ZGRF1: variants seen among roughly 807,000 people sequenced by gnomAD.
ZGRF1 encodes the protein zinc finger GRF-type containing 1.
In ZGRF1, 196 loss-of-function variants were observed where a neutral mutation model predicts 203.5. The observed-to-expected ratio is 0.96, with a 90% CI of 0.86 to 1.08. The LOEUF (loss-of-function observed/expected upper bound fraction) is 1.08, where lower values mean the gene tolerates loss of function less well. ZGRF1 is among the 50% of genes least tolerant of loss of function. ZGRF1 has a pLI of 0.00. For synonymous variants in ZGRF1, 809 were observed against 841.3 expected (o/e 0.96, Z 0.66); for missense variants, 2,326 against 2,416.3 (o/e 0.96, Z 0.78).
chr4:112,603,540 T>A lies in ZGRF1; in HGVS notation c.2960A>T (p.Gln987Leu), dbSNP rs1018869626. 3 of 1,601,678 alleles carry A rather than the reference T, an allele frequency of 1.9e-6. No individual in the cohort carries two copies. Among genetic ancestry groups the A allele is most frequent in the Non-Finnish European group, 2.6e-6 (3 of 1,174,070 alleles). ...ETPELPSTCM[Q>L]IDFLQVTSPE... The stretch of plus-strand genomic sequence containing the variant: ...TATTTTTACCTGCAAGAAGTCAATC[T>A]GCATACACGTGCTAGGTAACTCTGG... Residue 987 changes from glutamine to leucine, a missense_variant, in exon 10 of 28, where the codon CAG becomes CTG. Coordinates refer to ENST00000505019, the MANE Select transcript of ZGRF1 (RefSeq NM_018392.5).
At chr4:112,626,296 TTTTAA>T (rs145241505) in intron 3 of ZGRF1, among the ~76,000 whole-genome samples, 10,743 of 152,254 alleles carry the variant, frequency 0.071, 504 homozygotes, top group Non-Finnish European at 0.099. Flanking sequence ...CTTGTCCCTC[TTTTAA>T]TTTGATACAC....
chr4:112,560,628 T>C, intron 19 of ZGRF1, 105 bp downstream of exon 19: 1 of 988,710 alleles, frequency 1.0e-6, no homozygotes, highest in South Asian at 1.7e-5. Flanking sequence ...CTACTTAGAG[T>C]TATTCTTGAA....
rs545193830 is a variant in ZGRF1, at chr4:112,600,475, C to T, written c.2976+3049G>A. 3.3e-5 allele frequency among the ~76,000 whole-genome samples: 5 copies of T among 152,240 alleles called. No homozygotes were observed. In the South Asian group the frequency reaches 8.3e-4, roughly 25 times the overall value. On this transcript the variant is annotated intron_variant, in intron 10 of 27. Coordinates refer to ENST00000505019, the MANE Select transcript of ZGRF1 (RefSeq NM_018392.5). ...TTGGGAGGCCGAAGCAAGCGGATCA[C>T]GAGGTCAGGAGTTCGAGTCCTGCCT...
rs2047464520 is a variant in ZGRF1, at chr4:112,633,063, C to G, written c.21+93G>C. 5.2e-6 allele frequency: 6 copies of G among 1,155,680 alleles called. No homozygotes were observed. The South Asian group carries it at 5.2e-5, about 10-fold the overall frequency. The allele number at this position is 1,155,680 out of a possible 1,614,324, so 71.6% of individuals were successfully genotyped here. The stretch of plus-strand genomic sequence containing the variant: ...GTTTTTTGTTTTGTTTTTGCTAAAT[C>G]TGGCAACACAGCAAGATGTTTGTGA... On this transcript the variant is annotated intron_variant, in intron 2 of 27. Coordinates refer to ENST00000505019, the MANE Select transcript of ZGRF1 (RefSeq NM_018392.5).
At chr4:112,571,803 G>C (rs1348801555) in intron 16 of ZGRF1, among the ~76,000 whole-genome samples, 1 of 152,144 alleles carries the variant, frequency 6.6e-6, no homozygotes, top group East Asian at 1.9e-4. Flanking sequence ...ATATATGAAA[G>C]AGTAAAGGAC....
At chr4:112,554,322 G>A (rs1256558013) in intron 21 of ZGRF1, among the ~76,000 whole-genome samples, 1 of 150,574 alleles carries the variant, frequency 6.6e-6, no homozygotes, top group African/African-American at 2.4e-5. Flanking sequence ...TTGTCCTTTC[G>A]ACAGTTTGCT....
In ZGRF1 at chr4:112,548,285, T is replaced by C; in HGVS notation, c.5442A>G (p.Ile1814Met). The change falls in exon 23 of 28, where the codon ATA (isoleucine) becomes ATG (methionine). Residue 1814 changes from isoleucine to methionine, a missense_variant. Physicochemically the swap from Ile to Met is conservative, Grantham distance 10 (BLOSUM62 1). Coordinates refer to ENST00000505019, the MANE Select transcript of ZGRF1 (RefSeq NM_018392.5). ...PVVVLDECSQ[I>M]TEPASLLPIA... ...TGGGAAGGAGAGAGGCCGGTTCAGT[T>C]ATCTGACTACACTCATCCAGCACAA... is the stretch of plus-strand genomic sequence containing the variant. The C allele has an allele frequency of 6.4e-7, 1 of 1,552,322 alleles. No homozygotes were observed. The highest frequency in any genetic ancestry group is 8.7e-7 in the Non-Finnish European group (1 of 1,147,122).
chr4:112,584,349 T>C (rs1746801631), intron 14 of ZGRF1, among the ~76,000 whole-genome samples, 175 bp from the exon 15 acceptor site: 1 of 152,208 alleles, frequency 6.6e-6, no homozygotes. Context: ...CACCTACTTT[T>C]CCATTTACTT....
At chr4:112,622,765 G>A (rs1162062846) in intron 4 of ZGRF1, among the ~76,000 whole-genome samples, 3 of 151,828 alleles carry the variant, frequency 2.0e-5, no homozygotes, top group African/African-American at 7.3e-5. Flanking sequence ...CTCTTTCCAT[G>A]CTTTTTCCTC....
chr4:112,570,553 C>G (rs1168978753), intron 16 of ZGRF1, among the ~76,000 whole-genome samples: 1 of 151,926 alleles, frequency 6.6e-6, no homozygotes, highest in East Asian at 1.9e-4. Flanking sequence ...CCACTGCACT[C>G]CATCCTGGGC....
At chr4:112,612,784 TAAA>T (rs1254869079) in intron 6 of ZGRF1, among the ~76,000 whole-genome samples, 196 bp from the exon 7 acceptor site, 1 of 152,182 alleles carries the variant, frequency 6.6e-6, no homozygotes, top group African/African-American at 2.4e-5. Context: ...ATTTTTATGA[TAAA>T]AATTTTAAAA....
chr4:112,614,537 T>C (rs2046798995), intron 6 of ZGRF1, among the ~76,000 whole-genome samples: 1 of 152,120 alleles, frequency 6.6e-6, no homozygotes, highest in Non-Finnish European at 1.5e-5. Flanking sequence ...ACTTAAAATG[T>C]CCCCAAAGGG....
intron 3 of ZGRF1, among the ~76,000 whole-genome samples, chr4:112,628,465 T>C (rs1410226210): frequency 6.6e-6 from 1 of 152,232 alleles, no homozygotes; most frequent in African/African-American, 2.4e-5. Flanking sequence ...CTACCAGTAA[T>C]ATGTTGGTTG....
At chr4:112,611,873 C>T (rs980860226) in intron 7 of ZGRF1, among the ~76,000 whole-genome samples, 1 of 151,976 alleles carries the variant, frequency 6.6e-6, no homozygotes, top group Admixed American at 6.6e-5. Context: ...CAACGTGTAA[C>T]AAGAAATAAG....
chr4:112,563,313 T>A, intron 16 of ZGRF1, 39 bp from the exon 17 acceptor site: 1 of 1,446,274 alleles, frequency 6.9e-7, no homozygotes. Context: ...CACAGACATA[T>A]ACAGTATGGT....
chr4:112,556,093 A>G (rs1352561533), intron 20 of ZGRF1, among the ~76,000 whole-genome samples: 1 of 152,042 alleles, frequency 6.6e-6, no homozygotes, highest in African/African-American at 2.4e-5. Context: ...ACAAAAAACA[A>G]CGTTGTCCTC....
intron 11 of ZGRF1, 65 bp from the exon 12 acceptor site, chr4:112,587,994 AAC>A (rs1159281364): frequency 7.9e-7 from 1 of 1,272,558 alleles, no homozygotes; most frequent in African/African-American, 1.5e-5. Flanking sequence ...GGCTCTAGAA[AAC>A]AGTGGGTATA....
At chr4:112,554,649 A>G in intron 21 of ZGRF1, 56 bp downstream of exon 21, 1 of 837,058 alleles carries the variant, frequency 1.2e-6, no homozygotes, top group Non-Finnish European at 2.0e-6. Context: ...GAGTGATATA[A>G]AAGTACCATA....
intron 3 of ZGRF1, among the ~76,000 whole-genome samples, chr4:112,626,354 G>A (rs1304569408): frequency 1.3e-5 from 2 of 152,120 alleles, no homozygotes; most frequent in African/African-American, 4.8e-5. Flanking sequence ...ATCATGTTAT[G>A]CTCCTGCTCA....
Sources: gnomAD v4.1 joint callset for allele counts (sites outside exome capture counted in the v4.1 genomes callset) on GRCh38, gnomAD v4.1.1 for gene constraint, MANE v1.5 for transcripts, NCBI Gene and HGNC (gene_info 2026-07-23, HGNC 2026-07-21) for gene names.